The following PID1 variants were observed in gnomAD, a reference collection of about 807,000 sequenced individuals.
PID1 encodes PTB-containing, cubilin and LRP1-interacting protein.
A neutral mutation model predicts 19.1 loss-of-function variants in PID1; 10 were observed. The observed-to-expected ratio is 0.52, with a 90% CI of 0.32 to 0.89. PID1 has a LOEUF of 0.89. Ranked by LOEUF, PID1 falls within the 40% of genes least tolerant of loss-of-function variation. The pLI is 0.03. For missense variants in PID1, 248 were observed against 285.3 expected (o/e 0.87, Z 0.94); for synonymous variants, 130 against 116.0 (o/e 1.12, Z -0.78).
intron 2 of PID1, among the ~76,000 whole-genome samples, chr2:229,092,891 C>T (rs1213135866): frequency 2.6e-5 from 4 of 152,142 alleles, no homozygotes; most frequent in Non-Finnish European, 5.9e-5. Context: ...GTCTACAAAT[C>T]ATGTTTAAAG....
chr2:229,262,331 C>T (rs1045796241), intron 1 of PID1, among the ~76,000 whole-genome samples: 31 of 152,198 alleles, frequency 2.0e-4, no homozygotes, highest in Admixed American at 4.6e-4. Context: ...AGAGGACCTT[C>T]CCTGAGCAAC....
intron 2 of PID1, among the ~76,000 whole-genome samples, chr2:229,058,261 T>C (rs1485363958): frequency 6.6e-6 from 1 of 152,228 alleles, no homozygotes; most frequent in African/African-American, 2.4e-5. Context: ...CAGCTTTCAG[T>C]ATGTTCTGTT....
chr2:229,194,330 C>A (rs959801400), intron 1 of PID1, among the ~76,000 whole-genome samples: 2 of 151,784 alleles, frequency 1.3e-5, no homozygotes, highest in East Asian at 1.9e-4. Context: ...AGAGAAGAAA[C>A]CAACACAGAG....
intron 1 of PID1, among the ~76,000 whole-genome samples, chr2:229,213,957 T>C (rs1463238844): frequency 3.9e-5 from 6 of 152,214 alleles, no homozygotes; most frequent in African/African-American, 1.4e-4. Context: ...CATTACACTT[T>C]GAACATGAAG....
intron 2 of PID1, among the ~76,000 whole-genome samples, chr2:229,150,256 GAGAA>G (rs1690223495): frequency 6.7e-6 from 1 of 150,282 alleles, no homozygotes; most frequent in Non-Finnish European, 1.5e-5. Flanking sequence ...GAGAGAGAGA[GAGAA>G]AGAAAGAAGT....
intron 2 of PID1, among the ~76,000 whole-genome samples, chr2:229,054,510 G>C (rs1694055745): frequency 6.6e-6 from 1 of 152,084 alleles, no homozygotes; most frequent in Non-Finnish European, 1.5e-5. Flanking sequence ...AGTTTATTTT[G>C]GTGGTGGTGG....
chr2:229,083,331 T>C (rs1046273770), intron 2 of PID1, among the ~76,000 whole-genome samples: 2 of 152,180 alleles, frequency 1.3e-5, no homozygotes, highest in Non-Finnish European at 2.9e-5. Flanking sequence ...TGCAAGGGCA[T>C]AAAAAACTAC....
chr2:229,050,773 A>G (rs1693979773), intron 2 of PID1, among the ~76,000 whole-genome samples: 2 of 152,158 alleles, frequency 1.3e-5, no homozygotes, highest in Non-Finnish European at 2.9e-5. Context: ...CTTCTAGTAA[A>G]CAAGCCATGA....
At chr2:229,044,892 C>T (rs906569771) in intron 2 of PID1, among the ~76,000 whole-genome samples, 1 of 152,124 alleles carries the variant, frequency 6.6e-6, no homozygotes, top group Non-Finnish European at 1.5e-5. Context: ...TTCTCCTTAA[C>T]GTCCAACATT....
chr2:229,214,620 C>G (rs1691806818), intron 1 of PID1, among the ~76,000 whole-genome samples: 1 of 152,080 alleles, frequency 6.6e-6, no homozygotes, highest in African/African-American at 2.4e-5. Flanking sequence ...AACTATCTAC[C>G]TGTTCACTGT....
intron 2 of PID1, among the ~76,000 whole-genome samples, chr2:229,147,719 A>AT (rs923159234): frequency 5.9e-5 from 9 of 152,266 alleles, no homozygotes; most frequent in African/African-American, 2.2e-4. Context: ...AGGTTTTCCC[A>AT]TTTTTTCACT....
chr2:229,211,774 C>G (rs779642482), intron 1 of PID1, among the ~76,000 whole-genome samples: 2 of 152,180 alleles, frequency 1.3e-5, no homozygotes, highest in Non-Finnish European at 2.9e-5. Flanking sequence ...AAGAAAGTTT[C>G]TGGGAAAGAA....
chr2:229,190,811 C>T (rs114653555), intron 1 of PID1, among the ~76,000 whole-genome samples: 2,276 of 152,098 alleles, frequency 0.015, 65 homozygotes, highest in African/African-American at 0.052. Flanking sequence ...GGGTTATTTA[C>T]AAGCCTCTCA....
intron 2 of PID1, among the ~76,000 whole-genome samples, chr2:229,084,194 C>T (rs1416508967): frequency 6.6e-6 from 1 of 152,268 alleles, no homozygotes; most frequent in East Asian, 1.9e-4. Context: ...GGTCATGCCA[C>T]TGGCTATTTC....
intron 2 of PID1, among the ~76,000 whole-genome samples, chr2:229,089,363 C>T (rs770004532): frequency 6.6e-6 from 1 of 152,158 alleles, no homozygotes; most frequent in African/African-American, 2.4e-5. Context: ...ACCCCTCAAA[C>T]GCTTAAGCCC....
chr2:229,172,530 T>G (rs537009527), intron 1 of PID1, among the ~76,000 whole-genome samples: 1 of 152,280 alleles, frequency 6.6e-6, no homozygotes, highest in East Asian at 1.9e-4. Context: ...CCTGCATTTC[T>G]TCACACCCTC....
chr2:229,154,583 T>C (rs1242982050), intron 2 of PID1, among the ~76,000 whole-genome samples: 1 of 152,200 alleles, frequency 6.6e-6, no homozygotes, highest in African/African-American at 2.4e-5. Flanking sequence ...AATGAATGAA[T>C]GTGGATGAGG....
At chr2:229,124,082 C>A (rs187837376) in intron 2 of PID1, among the ~76,000 whole-genome samples, 1 of 152,192 alleles carries the variant, frequency 6.6e-6, no homozygotes, top group African/African-American at 2.4e-5. Flanking sequence ...GCACGAGAGA[C>A]CTTCTCTGTA....
chr2:229,120,645 A>G (rs1011813421), intron 2 of PID1, among the ~76,000 whole-genome samples: 3 of 150,718 alleles, frequency 2.0e-5, no homozygotes, highest in Non-Finnish European at 3.0e-5. Context: ...TATATGTATA[A>G]TGTATACACC....
Sources: gnomAD v4.1 joint callset for allele counts (sites outside exome capture counted in the v4.1 genomes callset) on GRCh38, gnomAD v4.1.1 for gene constraint, MANE v1.5 for transcripts, NCBI Gene and HGNC (gene_info 2026-07-23, HGNC 2026-07-21) for gene names.